The following THRB variants were observed in gnomAD, a reference collection of about 807,000 sequenced individuals.
THRB encodes the protein nuclear receptor subfamily 1 group A member 2.
A neutral mutation model predicts 47.8 loss-of-function variants in THRB; 12 were observed. That is an observed-to-expected ratio of 0.25 (90% CI 0.16 to 0.41). The LOEUF is 0.41. THRB is among the 10% of genes least tolerant of loss of function. The pLI, the probability that THRB is intolerant of heterozygous loss-of-function variation, is 1.00. For missense variants in THRB, 348 were observed against 589.2 expected, an observed-to-expected ratio of 0.59 and a Z score of 4.24; for synonymous variants, 218 against 212.2, an observed-to-expected ratio of 1.03 and a Z score of -0.24.
At chr3:24,398,933 A>T (rs2067186753) in intron 1 of THRB, among the ~76,000 whole-genome samples, 1 of 152,134 alleles carries the variant, frequency 6.6e-6, no homozygotes, top group African/African-American at 2.4e-5. Context: ...TTGTAGGGAG[A>T]TGGATGAAGC....
At chr3:24,144,481 C>T (rs1208775978) in intron 7 of THRB, 4 of 152,324 alleles carry the variant, frequency 2.6e-5, no homozygotes, top group Non-Finnish European at 4.4e-5. Flanking sequence ...TCAATAATAC[C>T]CACTTCACAG....
At chr3:24,191,476 G>A (rs2043334198) in intron 4 of THRB, among the ~76,000 whole-genome samples, 1 of 152,024 alleles carries the variant, frequency 6.6e-6, no homozygotes, top group Non-Finnish European at 1.5e-5. Context: ...ATTACGAGAA[G>A]ACCATGGATA....
In THRB at chr3:24,186,536, A is replaced by G. The variant is rs115207442; in HGVS notation, c.283+3538T>C. ...AGATTCAACAGAGATCTGTTGTGAG[A>G]TCTGCAACAGAATGTAAGGGCTCTT... On this transcript the variant is annotated intron_variant, in intron 5 of 10. Coordinates refer to ENST00000646209, the MANE Select transcript of THRB (RefSeq NM_001354712.2). Among the ~76,000 whole-genome samples the G allele has an allele frequency of 4.8e-3, 732 of 152,290 alleles. 4 individuals are homozygous for G. The highest frequency in any genetic ancestry group is 0.017 in the African/African-American group (704 of 41,538).
At chr3:24,417,043 T>C (rs2068794363) in intron 1 of THRB, among the ~76,000 whole-genome samples, 1 of 151,882 alleles carries the variant, frequency 6.6e-6, no homozygotes, top group South Asian at 2.1e-4. Context: ...CTTTTAAATA[T>C]ATATTTCATT....
At chr3:24,182,727 G>T (rs1400033818) in intron 5 of THRB, among the ~76,000 whole-genome samples, 1 of 152,098 alleles carries the variant, frequency 6.6e-6, no homozygotes, top group Non-Finnish European at 1.5e-5. Context: ...GAAAACTGAG[G>T]CTCAAACAAA....
intron 2 of THRB, among the ~76,000 whole-genome samples, chr3:24,316,353 C>G (rs2058111602): frequency 6.6e-6 from 1 of 151,816 alleles, no homozygotes; most frequent in Non-Finnish European, 1.5e-5. Context: ...ATTCTTTTCT[C>G]TCCTCTTTCC....
At chr3:24,214,492 A>G (rs2046364859) in intron 4 of THRB, among the ~76,000 whole-genome samples, 1 of 152,046 alleles carries the variant, frequency 6.6e-6, no homozygotes, top group Non-Finnish European at 1.5e-5. Context: ...ATAGGAAACA[A>G]TAAAAGCTGA....
intron 4 of THRB, among the ~76,000 whole-genome samples, chr3:24,215,321 A>G (rs2046444705): frequency 1.3e-5 from 2 of 152,210 alleles, no homozygotes; most frequent in South Asian, 2.1e-4. Flanking sequence ...CCCCCATTTT[A>G]CAAGGAGAAA....
intron 5 of THRB, among the ~76,000 whole-genome samples, chr3:24,172,028 G>T (rs1451023244): frequency 1.3e-5 from 2 of 152,148 alleles, no homozygotes; most frequent in Non-Finnish European, 2.9e-5. Flanking sequence ...ACACATTAAT[G>T]CTCCTCTCTT....
intron 5 of THRB, among the ~76,000 whole-genome samples, chr3:24,183,368 C>CTTTTTTTT (rs1193344905): frequency 3.6e-5 from 3 of 84,268 alleles, no homozygotes; most frequent in African/African-American, 1.2e-4. Flanking sequence ...TTTTTCTTTT[C>CTTTTTTTT]TTTTTTTTTT....
intron 5 of THRB, among the ~76,000 whole-genome samples, chr3:24,179,476 T>C (rs2041618188): frequency 6.6e-6 from 1 of 152,194 alleles, no homozygotes. Context: ...ATGTTAACAA[T>C]TGGTGAATCC....
At chr3:24,272,263 T>C (rs1192845635) in intron 3 of THRB, among the ~76,000 whole-genome samples, 1 of 152,020 alleles carries the variant, frequency 6.6e-6, no homozygotes, top group Non-Finnish European at 1.5e-5. Flanking sequence ...GGAGTATCAC[T>C]AGAGCCCAGG....
intron 1 of THRB, among the ~76,000 whole-genome samples, chr3:24,418,079 T>A (rs1022647107): frequency 5.3e-5 from 8 of 151,774 alleles, no homozygotes; most frequent in Admixed American, 2.6e-4. Flanking sequence ...TCCCTCCTCC[T>A]CCCATATCAA....
intron 4 of THRB, among the ~76,000 whole-genome samples, chr3:24,203,630 A>C (rs1345173199): frequency 1.3e-5 from 2 of 152,168 alleles, no homozygotes; most frequent in Non-Finnish European, 2.9e-5. Context: ...TACCAGGTTC[A>C]TCTCACTGGG....
intron 3 of THRB, among the ~76,000 whole-genome samples, chr3:24,260,065 A>G (rs1206397613): frequency 2.6e-5 from 4 of 152,080 alleles, no homozygotes; most frequent in Non-Finnish European, 5.9e-5. Context: ...TATCACCTCA[A>G]CCCTAAGCAA....
At chr3:24,412,076 C>G (rs986519457) in intron 1 of THRB, among the ~76,000 whole-genome samples, 3 of 151,612 alleles carry the variant, frequency 2.0e-5, no homozygotes, top group Admixed American at 1.3e-4. Flanking sequence ...ACAGAGTACT[C>G]CATTATGAGT....
intron 1 of THRB, among the ~76,000 whole-genome samples, chr3:24,478,602 A>C (rs369036460): frequency 0.029 from 2,164 of 75,136 alleles, 55 homozygotes; most frequent in African/African-American, 0.096. Flanking sequence ...AAGAGAGGGG[A>C]GAAGGATAGG....
intron 1 of THRB, among the ~76,000 whole-genome samples, chr3:24,469,655 A>G (rs923025228): frequency 1.3e-5 from 2 of 152,246 alleles, no homozygotes; most frequent in African/African-American, 4.8e-5. Flanking sequence ...ATCAAGCTAC[A>G]CTACAATGAG....
intron 1 of THRB, among the ~76,000 whole-genome samples, chr3:24,401,493 A>G (rs1304481033): frequency 6.6e-6 from 1 of 152,038 alleles, no homozygotes; most frequent in East Asian, 1.9e-4. Flanking sequence ...TGATTTTACT[A>G]TTATCACTAG....
Sources: allele counts gnomAD v4.1 joint callset (sites outside exome capture counted in the v4.1 genomes callset), GRCh38; gene constraint gnomAD v4.1.1; transcripts MANE v1.5; gene names NCBI Gene and HGNC (gene_info 2026-07-23, HGNC 2026-07-21).